The following ERBB4 variants were observed in gnomAD, a reference collection of about 807,000 sequenced individuals.
ERBB4 encodes the protein erb-b2 receptor tyrosine kinase 4.
Under a neutral mutation model 158.0 loss-of-function variants are expected in ERBB4, and 42 were observed. The ratio of observed to expected loss-of-function variants is 0.27; its 90% CI spans 0.21 to 0.34. The LOEUF is 0.34. Ranked by LOEUF, ERBB4 falls within the 10% of genes least tolerant of loss-of-function variation. The pLI, the probability that ERBB4 is intolerant of heterozygous loss-of-function variation, is 1.00. For synonymous variants in ERBB4, 583 were observed against 558.7 expected (o/e 1.04, Z -0.61); for missense variants, 1,333 against 1,624.1 (o/e 0.82, Z 3.08).
chr2:212,510,217 A>ATATATG (rs1053770792), intron 1 of ERBB4, among the ~76,000 whole-genome samples: 1 of 143,190 alleles, frequency 7.0e-6, no homozygotes, highest in African/African-American at 2.7e-5. Context: ...ATATATATAT[A>ATATATG]TATATATATA....
chr2:212,495,496 C>A (rs1012374343), intron 1 of ERBB4, among the ~76,000 whole-genome samples: 2 of 152,172 alleles, frequency 1.3e-5, no homozygotes, highest in Non-Finnish European at 2.9e-5. Context: ...ATTAAAGGAA[C>A]ACTGTATGTG....
intron 1 of ERBB4, among the ~76,000 whole-genome samples, chr2:212,535,156 G>A (rs1020818122): frequency 6.6e-6 from 1 of 151,986 alleles, no homozygotes; most frequent in African/African-American, 2.4e-5. Context: ...GTATTTCCAA[G>A]CGATTTGCAG....
intron 1 of ERBB4, among the ~76,000 whole-genome samples, chr2:212,160,475 A>G (rs1005296659): frequency 5.3e-5 from 8 of 152,030 alleles, no homozygotes; most frequent in African/African-American, 1.7e-4. Context: ...TAAAATCTGT[A>G]TCACACACAC....
At chr2:212,135,886 C>A (rs1157950938) in intron 1 of ERBB4, among the ~76,000 whole-genome samples, 1 of 152,246 alleles carries the variant, frequency 6.6e-6, no homozygotes, top group Non-Finnish European at 1.5e-5. Flanking sequence ...TCTGCCCCAT[C>A]ATCTGGCTCT....
chr2:211,839,218 AG>A (rs1244496884), intron 3 of ERBB4, among the ~76,000 whole-genome samples: 10 of 150,614 alleles, frequency 6.6e-5, no homozygotes, highest in African/African-American at 2.5e-4. Flanking sequence ...AGAGAGAGAG[AG>A]AAAGAGAGAA....
rs939143358 is a variant in ERBB4, at chr2:211,694,998, C to T, written c.1489+6969G>A. ...ATAATATACAACATATTAGAAATGA[C>T]GACGATATAAAGTCTGTTTATTTTA... On this transcript the variant is annotated intron_variant, in intron 12 of 27. Coordinates refer to ENST00000342788, the MANE Select transcript of ERBB4 (RefSeq NM_005235.3). 1.4e-4 allele frequency among the ~76,000 whole-genome samples: 22 copies of T among 152,086 alleles called. No individual in the cohort carries two copies. The South Asian group carries it at 1.5e-3, about 10-fold the overall frequency.
At chr2:212,480,322 T>G (rs935353807) in intron 1 of ERBB4, among the ~76,000 whole-genome samples, 2 of 152,048 alleles carry the variant, frequency 1.3e-5, no homozygotes, top group Non-Finnish European at 2.9e-5. Flanking sequence ...GCTTGGCACA[T>G]TGAAAAAACC....
intron 1 of ERBB4, among the ~76,000 whole-genome samples, chr2:212,464,846 A>G (rs1311171476): frequency 6.6e-6 from 1 of 151,822 alleles, no homozygotes; most frequent in East Asian, 1.9e-4. Flanking sequence ...TATTTGTTTT[A>G]ATCAAAGATC....
chr2:211,530,038 T>C (rs2066453392), intron 20 of ERBB4, among the ~76,000 whole-genome samples: 1 of 152,000 alleles, frequency 6.6e-6, no homozygotes, highest in Non-Finnish European at 1.5e-5. Flanking sequence ...AAGCTCCAAA[T>C]TGGAAAGGAA....
At chr2:211,529,355 T>C (rs2066434524) in intron 20 of ERBB4, among the ~76,000 whole-genome samples, 1 of 151,764 alleles carries the variant, frequency 6.6e-6, no homozygotes, top group Non-Finnish European at 1.5e-5. Flanking sequence ...AGATCGATCA[T>C]AATAAAAAGA....
chr2:211,426,909 A>T (rs1442632162), intron 22 of ERBB4, among the ~76,000 whole-genome samples: 1 of 151,984 alleles, frequency 6.6e-6, no homozygotes, highest in Non-Finnish European at 1.5e-5. Flanking sequence ...ATCATATAAT[A>T]TATAAAGTTA....
intron 1 of ERBB4, among the ~76,000 whole-genome samples, chr2:212,149,539 G>A (rs1461770134): frequency 1.3e-5 from 2 of 152,156 alleles, no homozygotes; most frequent in African/African-American, 4.8e-5. Context: ...CAGGAAGGTA[G>A]AAATAGAAAC....
chr2:211,468,308 C>T (rs1405514956), intron 20 of ERBB4, among the ~76,000 whole-genome samples: 1 of 152,096 alleles, frequency 6.6e-6, no homozygotes, highest in East Asian at 1.9e-4. Flanking sequence ...AAATACAACA[C>T]TGCCACTGAA....
At chr2:212,193,640 T>C (rs556413069) in intron 1 of ERBB4, among the ~76,000 whole-genome samples, 1 of 152,130 alleles carries the variant, frequency 6.6e-6, no homozygotes, top group African/African-American at 2.4e-5. Context: ...AAGAAAGTAA[T>C]CATATTACTC....
chr2:212,029,702 C>T (rs750474985), intron 2 of ERBB4, among the ~76,000 whole-genome samples: 57 of 152,226 alleles, frequency 3.7e-4, no homozygotes, highest in Non-Finnish European at 6.5e-4. Flanking sequence ...ATACAGTCTT[C>T]CAAAAGATTG....
chr2:211,513,426 C>T (rs1419965612), intron 20 of ERBB4, among the ~76,000 whole-genome samples: 1 of 148,792 alleles, frequency 6.7e-6, no homozygotes, highest in Admixed American at 6.7e-5. Context: ...TCAACTATGC[C>T]TTTTTTCACG....
chr2:211,443,469 G>A (rs1006337175), intron 20 of ERBB4, among the ~76,000 whole-genome samples: 16 of 152,200 alleles, frequency 1.1e-4, no homozygotes, highest in Admixed American at 7.9e-4. Flanking sequence ...TATTGCTCAT[G>A]CACACTGACA....
intron 1 of ERBB4, among the ~76,000 whole-genome samples, chr2:212,192,105 A>AAG (rs1195543629): frequency 7.7e-4 from 100 of 130,406 alleles, no homozygotes; most frequent in South Asian, 2.2e-3. Context: ...TAAGTTATAT[A>AAG]TTATATATTA....
At chr2:211,791,905 G>C (rs2076286835) in intron 3 of ERBB4, among the ~76,000 whole-genome samples, 1 of 151,562 alleles carries the variant, frequency 6.6e-6, no homozygotes, top group South Asian at 2.1e-4. Context: ...TTTTTATTTA[G>C]AGTAAATTGT....
Sources: gnomAD v4.1 joint callset for allele counts (sites outside exome capture counted in the v4.1 genomes callset) on GRCh38, gnomAD v4.1.1 for gene constraint, MANE v1.5 for transcripts, NCBI Gene and HGNC (gene_info 2026-07-23, HGNC 2026-07-21) for gene names.